UGT1A8: variants seen among roughly 807,000 people sequenced by gnomAD.
UGT1A8 encodes UDP glucuronosyltransferase family 1 member A8, also known as UDP-glucuronosyltransferase 1A8.
In UGT1A8, 39 loss-of-function variants were observed where a neutral mutation model predicts 45.3. The ratio of observed to expected loss-of-function variants is 0.86; its 90% CI spans 0.67 to 1.12. The LOEUF is 1.12. Among genes scored for constraint, UGT1A8 ranks in the 50% most tolerant of loss-of-function variants. The pLI is 0.00. For missense variants in UGT1A8, 719 were observed against 664.9 expected (o/e 1.08, Z -0.90); for synonymous variants, 275 against 249.2 (o/e 1.10, Z -0.97).
Position 233,660,401 on chromosome 2 carries a change from T to A in UGT1A8, c.855+41839T>A, listed in dbSNP as rs138798283. The stretch of plus-strand genomic sequence containing the variant: ...TCCTTTTGTGTTGAATTCATGGGGT[T>A]CTGGATGGCTAGAGGCATTGTCCAA... On this transcript the variant is annotated intron_variant, in intron 1 of 4. Transcript: ENST00000373450. Among the ~76,000 whole-genome samples the A allele has an allele frequency of 7.5e-4, 114 of 152,304 alleles. 1 individual carries two copies. The highest frequency in any genetic ancestry group is 1.1e-3 in the Non-Finnish European group (75 of 68,026).
chr2:233,621,186 C>T (rs2072996306), intron 1 of UGT1A8, among the ~76,000 whole-genome samples: 1 of 152,152 alleles, frequency 6.6e-6, no homozygotes, highest in Non-Finnish European at 1.5e-5. Context: ...AACTTTTAAA[C>T]TTTATCTTTT....
rs186476397 is a variant in UGT1A8, at chr2:233,730,211, C to T, written c.856-36823C>T. Among the ~76,000 whole-genome samples the T allele has an allele frequency of 1.1e-3, 161 of 152,112 alleles. 1 individual carries two copies. The highest frequency in any genetic ancestry group is 3.7e-3 in the African/African-American group (152 of 41,476). On this transcript the variant is annotated intron_variant, in intron 1 of 4. Coordinates refer to ENST00000373450, the MANE Select transcript of UGT1A8 (RefSeq NM_019076.5). ...CACTGAGAGGAAGAGGAAGTAGACA[C>T]GAATGTTTGTAAAAGGATGGACAAG...
At chr2:233,695,130 C>CTTTTTT (rs71398796) in intron 1 of UGT1A8, among the ~76,000 whole-genome samples, 1 of 138,838 alleles carries the variant, frequency 7.2e-6, no homozygotes, top group Non-Finnish European at 1.5e-5. Flanking sequence ...CTTTTCTTTT[C>CTTTTTT]TTTTTTTTTT....
chr2:233,742,737 C>A (rs1559386227), intron 1 of UGT1A8: 1 of 152,816 alleles, frequency 6.5e-6, no homozygotes, highest in Non-Finnish European at 1.5e-5. Flanking sequence ...ATTCAAATGT[C>A]TGACCTCCAA....
chr2:233,694,717 T>A (rs1262844256), intron 1 of UGT1A8, among the ~76,000 whole-genome samples: 4 of 152,178 alleles, frequency 2.6e-5, no homozygotes, highest in Non-Finnish European at 5.9e-5. Flanking sequence ...CACCTGCTGA[T>A]TTCTCTGTTA....
intron 1 of UGT1A8, among the ~76,000 whole-genome samples, chr2:233,688,409 C>T (rs1559343173): frequency 6.6e-6 from 1 of 152,202 alleles, no homozygotes; most frequent in East Asian, 1.9e-4. Context: ...AATTTTCGAG[C>T]CCATGTGCCT....
intron 1 of UGT1A8, among the ~76,000 whole-genome samples, chr2:233,640,154 A>T (rs1415174805): frequency 6.6e-6 from 1 of 152,214 alleles, no homozygotes; most frequent in Non-Finnish European, 1.5e-5. Context: ...TGACAAGACT[A>T]AGGCCTCCCA....
At chr2:233,745,976 A>AC in intron 1 of UGT1A8, among the ~76,000 whole-genome samples, 1 of 151,654 alleles carries the variant, frequency 6.6e-6, no homozygotes, top group Middle Eastern at 3.2e-3. Flanking sequence ...CTGAAATGGG[A>AC]CCATGACAGC....
At chr2:233,646,909 T>A (rs2073620542) in intron 1 of UGT1A8, among the ~76,000 whole-genome samples, 1 of 152,218 alleles carries the variant, frequency 6.6e-6, no homozygotes, top group African/African-American at 2.4e-5. Flanking sequence ...ATTGACTGTA[T>A]TAGTCTGTTT....
intron 1 of UGT1A8, among the ~76,000 whole-genome samples, chr2:233,641,360 A>G (rs568182571): frequency 6.6e-6 from 1 of 152,346 alleles, no homozygotes; most frequent in African/African-American, 2.4e-5. Flanking sequence ...CTATTTGCAT[A>G]AACAAACACA....
chr2:233,746,059 C>T (rs188125843), intron 1 of UGT1A8, among the ~76,000 whole-genome samples: 12 of 151,720 alleles, frequency 7.9e-5, no homozygotes, highest in Admixed American at 2.0e-4. Flanking sequence ...GGGTCTAGAA[C>T]GAAAAGAGAA....
chr2:233,711,387 G>A (rs1236351925), intron 1 of UGT1A8, among the ~76,000 whole-genome samples: 2 of 152,246 alleles, frequency 1.3e-5, no homozygotes, highest in African/African-American at 2.4e-5. Context: ...CCTCCCAGGT[G>A]TGTTCCACCC....
chr2:233,626,953 G>A (rs2073095247), intron 1 of UGT1A8, among the ~76,000 whole-genome samples: 1 of 152,060 alleles, frequency 6.6e-6, no homozygotes, highest in Admixed American at 6.6e-5. Context: ...AAGTGTTCTT[G>A]TTGTCTAGGC....
intron 1 of UGT1A8, among the ~76,000 whole-genome samples, chr2:233,628,623 A>G (rs2073133393): frequency 6.6e-6 from 1 of 151,928 alleles, no homozygotes; most frequent in African/African-American, 2.4e-5. Context: ...CCCTGACTGC[A>G]CTGGCTGGAA....
Position 233,618,107 on chromosome 2 carries a change from G to A in UGT1A8, c.400G>A (p.Val134Ile). 1.2e-6 allele frequency: 2 copies of A among 1,614,080 alleles called. No homozygotes were observed. Among genetic ancestry groups the A allele is most frequent in the South Asian group, 1.1e-5 (1 of 91,078 alleles). ...CRSLFNDRKL[V>I]EYLKESSFDA... ...GAGTTTGTTTAATGACCGAAAATTA[G>A]TAGAATACTTAAAGGAGAGTTCTTT... Residue 134 changes from valine (V) to isoleucine (I), a missense_variant, in exon 1 of 5, where the codon GTA becomes ATA. By Grantham distance (29) the Val-to-Ile change is conservative. Transcript: ENST00000373450.
intron 4 of UGT1A8, chr2:233,770,959 T>C (rs1275512956): frequency 1.3e-5 from 2 of 152,178 alleles, no homozygotes; most frequent in East Asian, 3.9e-4. Context: ...AGGGAGCTTT[T>C]ACTCATGGCA....
At chr2:233,721,654 G>T in intron 1 of UGT1A8, 1 of 220,052 alleles carries the variant, frequency 4.5e-6, no homozygotes, top group Non-Finnish European at 9.3e-6. Context: ...GCAGTGGGGG[G>T]TCATGTAAGG....
Position 233,647,943 on chromosome 2 carries a change from C to A in UGT1A8, c.855+29381C>A, listed in dbSNP as rs2073643876. ...ATCACTCACTGCCCATGGATGGGAG[C>A]CACTGGTTCACCATGTGGTCGGTGG... On this transcript the variant is annotated intron_variant, in intron 1 of 4. Transcript: ENST00000373450. The A allele has an allele frequency of 5.6e-6, 9 of 1,605,486 alleles. No homozygotes were observed. In the South Asian group the frequency reaches 9.9e-5, roughly 18 times the overall value.
chr2:233,761,872 G>A (rs1697885478), intron 1 of UGT1A8, among the ~76,000 whole-genome samples: 1 of 152,232 alleles, frequency 6.6e-6, no homozygotes, highest in Admixed American at 6.5e-5. Context: ...ATTTCAGAGA[G>A]CGTTCATTCA....
Sources: gnomAD v4.1 joint callset for allele counts (sites outside exome capture counted in the v4.1 genomes callset) on GRCh38, gnomAD v4.1.1 for gene constraint, MANE v1.5 for transcripts, NCBI Gene and HGNC (gene_info 2026-07-23, HGNC 2026-07-21) for gene names.